Variants in RPTOR observed in about 807,000 individuals in gnomAD.
RPTOR encodes regulatory associated protein of MTOR complex 1.
Under a neutral mutation model 169.9 loss-of-function variants are expected in RPTOR, and 21 were observed. The ratio of observed to expected loss-of-function variants is 0.12; its 90% CI spans 0.09 to 0.18. The LOEUF is 0.18. Among genes scored for constraint, RPTOR ranks in the 10% least tolerant of loss-of-function variants. The pLI is 1.00. For missense variants in RPTOR, 1,133 were observed against 1,855.9 expected (o/e 0.61, Z 7.16); for synonymous variants, 732 against 753.2 (o/e 0.97, Z 0.46).
chr17:80,824,769 A>G (rs1481735059), intron 9 of RPTOR, among the ~76,000 whole-genome samples: 1 of 152,188 alleles, frequency 6.6e-6, no homozygotes, highest in Non-Finnish European at 1.5e-5. Context: ...CTTCTAGCGT[A>G]TGTTTTCTCC....
At chr17:80,839,497 C>T (rs892447192) in intron 10 of RPTOR, among the ~76,000 whole-genome samples, 6 of 152,226 alleles carry the variant, frequency 3.9e-5, no homozygotes, top group South Asian at 2.1e-4. Flanking sequence ...GCCAGCTCCC[C>T]GTCATGTGCT....
At chr17:80,681,549 G>C (rs530900868) in intron 3 of RPTOR, among the ~76,000 whole-genome samples, 1 of 151,970 alleles carries the variant, frequency 6.6e-6, no homozygotes, top group Admixed American at 6.6e-5. Context: ...TGTGTGTGTG[G>C]TTCAACATTT....
At chr17:80,691,655 G>C (rs575680891) in intron 3 of RPTOR, among the ~76,000 whole-genome samples, 3 of 152,274 alleles carry the variant, frequency 2.0e-5, no homozygotes, top group African/African-American at 7.2e-5. Context: ...AGCATGTTCT[G>C]TGCCATTTTG....
chr17:80,895,655 G>A (rs1033105144), intron 20 of RPTOR, among the ~76,000 whole-genome samples: 2 of 152,222 alleles, frequency 1.3e-5, no homozygotes, highest in East Asian at 1.9e-4. Context: ...AAGCTGCTGC[G>A]TGAACGGTGC....
Position 80,945,684 on chromosome 17 carries a change from G to T in RPTOR, c.3043G>T (p.Asp1015Tyr), listed in dbSNP as rs1187467897. ...TTTGACAGGCATTACGAGATTGGAC[G>T]ACCAAATATTTCTGAACAGGAACCC... Reference protein sequence around the residue: ...VIQKGITRLDDQIFLNRNPGV... With the variant: ...VIQKGITRLDYQIFLNRNPGV... The change falls in exon 26 of 34, where the codon GAC (aspartate) becomes TAC (tyrosine). Residue 1015 changes from aspartate (D) to tyrosine (Y), a missense_variant. Physicochemically the swap from Asp to Tyr is radical, Grantham distance 160. This residue lies in a region of RPTOR where 410 missense variants were observed against 623.7 expected (regional missense o/e 0.66). Coordinates refer to ENST00000306801, the MANE Select transcript of RPTOR (RefSeq NM_020761.3). 2 of 1,610,746 alleles carry T rather than the reference G, an allele frequency of 1.2e-6. No individual in the cohort carries two copies. The highest frequency in any genetic ancestry group is 2.2e-5 in the East Asian group (1 of 44,600).
At chr17:80,891,346 C>T (rs571640736) in intron 17 of RPTOR, among the ~76,000 whole-genome samples, 3 of 152,376 alleles carry the variant, frequency 2.0e-5, no homozygotes, top group South Asian at 2.1e-4. Context: ...TCTAGAGCGG[C>T]GTTTTCAGCC....
In RPTOR at chr17:80,609,892, G is replaced by A. The variant is rs911423935; in HGVS notation, c.163-15799G>A. Among the ~76,000 whole-genome samples the A allele has an allele frequency of 6.6e-6, 1 of 151,916 alleles. No individual in the cohort carries two copies. Among genetic ancestry groups the A allele is most frequent in the African/African-American group, 2.4e-5 (1 of 41,354 alleles). On this transcript the variant is annotated intron_variant, in intron 1 of 33. Transcript: ENST00000306801. The surrounding 1 kb of genome is among the most constrained non-coding windows in gnomAD (Gnocchi z 4.8). ...AATGGTAGCTTACAACTGACATTTA[G>A]CCAATTGAAAAGTGTAGGCCAGGGT...
In RPTOR at chr17:80,616,758, G is replaced by A. The variant is rs190996592; in HGVS notation, c.163-8933G>A. On this transcript the variant is annotated intron_variant, in intron 1 of 33. Coordinates refer to ENST00000306801, the MANE Select transcript of RPTOR (RefSeq NM_020761.3). ...ACTTTGTATCTTGAACTGGGAAGGA[G>A]TGGAGAAAAAAAAAATATTAGAGCC... Among the ~76,000 whole-genome samples, 4 of 136,930 alleles carry A rather than the reference G, an allele frequency of 2.9e-5. No homozygotes were observed. In the East Asian group the frequency reaches 6.4e-4, roughly 22 times the overall value. The allele number at this position is 136,930 out of a possible 152,430, so 89.8% of individuals were successfully genotyped here.
chr17:80,716,162 G>C (rs936058984), intron 4 of RPTOR, among the ~76,000 whole-genome samples: 1 of 152,188 alleles, frequency 6.6e-6, no homozygotes, highest in African/African-American at 2.4e-5. Context: ...CATAGTGGCT[G>C]TACCAGTTTA....
chr17:80,750,389 A>G (rs2066619141), intron 5 of RPTOR, among the ~76,000 whole-genome samples: 1 of 152,220 alleles, frequency 6.6e-6, no homozygotes, highest in South Asian at 2.1e-4. Flanking sequence ...CCAGACAGAC[A>G]TCGCAAATGG....
chr17:80,746,929 A>T lies in RPTOR; in HGVS notation c.655-7081A>T, dbSNP rs1018471569. Among the ~76,000 whole-genome samples the T allele has an allele frequency of 6.7e-5, 10 of 148,152 alleles. No individual in the cohort carries two copies. The highest frequency in any genetic ancestry group is 2.2e-4 in the African/African-American group (9 of 40,376). The stretch of plus-strand genomic sequence containing the variant: ...TGTCAGGATGTTTTTTAAAAATGCT[A>T]GGTTCTGGGTGGGTGCGGTGGGTCA... On this transcript the variant is annotated intron_variant, in intron 5 of 33. Coordinates refer to ENST00000306801, the MANE Select transcript of RPTOR (RefSeq NM_020761.3). This position sits in a 1 kb window ranked among gnomAD's most constrained non-coding sequence, Gnocchi z 4.5.
intron 13 of RPTOR, among the ~76,000 whole-genome samples, chr17:80,871,282 A>T (rs1451438619): frequency 6.6e-6 from 1 of 151,742 alleles, no homozygotes; most frequent in Admixed American, 6.6e-5. Context: ...ATTTTTTTGT[A>T]TTTTGTTTAG....
chr17:80,897,188 G>T (rs1363802853), intron 20 of RPTOR, among the ~76,000 whole-genome samples: 1 of 151,582 alleles, frequency 6.6e-6, no homozygotes, highest in Non-Finnish European at 1.5e-5. Context: ...GGCGGAGGTT[G>T]CAGTGAGCGG....
rs11150752 is a variant in RPTOR at position 80,878,608 on chromosome 17, A to C, written c.1510-1807A>C. Among the ~76,000 whole-genome samples, 33,959 of 151,972 alleles carry C rather than the reference A, an allele frequency of 0.22. 4,034 individuals are homozygous for C. Among genetic ancestry groups the C allele is most frequent in the East Asian group, 0.37 (1,908 of 5,154 alleles). ...TGACCCGCCTGTCTCAGCCTCCCAA[A>C]GTGCTGGGATTATAGGCATGAGCCA... is the stretch of plus-strand genomic sequence containing the variant. On this transcript the variant is annotated intron_variant, in intron 13 of 33. Transcript: ENST00000306801. This position sits in a 1 kb window ranked among gnomAD's most constrained non-coding sequence, Gnocchi z 4.1.
intron 6 of RPTOR, among the ~76,000 whole-genome samples, chr17:80,765,946 T>C (rs1305570582): frequency 1.3e-5 from 2 of 152,208 alleles, no homozygotes; most frequent in African/African-American, 4.8e-5. Flanking sequence ...AGTATTAGAA[T>C]TCCTGACCCC....
At chr17:80,576,361 A>G (rs575778806) in intron 1 of RPTOR, among the ~76,000 whole-genome samples, 2 of 152,350 alleles carry the variant, frequency 1.3e-5, no homozygotes, top group East Asian at 3.9e-4. Flanking sequence ...TAGAAATTAC[A>G]GTAGGAATAC....
intron 1 of RPTOR, 140 bp from the exon 2 acceptor site, chr17:80,625,551 G>A (rs1338729336): frequency 3.5e-5 from 23 of 648,426 alleles, no homozygotes; most frequent in Non-Finnish European, 6.0e-5. Flanking sequence ...GGGTAGCCAG[G>A]TGACAGGCGG....
chr17:80,889,893 CCG>C (rs2068297057), intron 17 of RPTOR, among the ~76,000 whole-genome samples: 1 of 124,168 alleles, frequency 8.1e-6, no homozygotes, highest in Non-Finnish European at 1.8e-5. Flanking sequence ...AGGGAGGCCC[CCG>C]TACGCAGCAG....
chr17:80,704,138 A>G (rs2066124428), intron 3 of RPTOR, among the ~76,000 whole-genome samples: 1 of 152,166 alleles, frequency 6.6e-6, no homozygotes, highest in South Asian at 2.1e-4. Context: ...CTTTCTACCT[A>G]TCCACCTGAA....
Sources: allele counts gnomAD v4.1 joint callset (sites outside exome capture counted in the v4.1 genomes callset), GRCh38; gene constraint gnomAD v4.1.1; regional missense constraint gnomAD v4.1.1; non-coding constraint Gnocchi (gnomAD v3.1); transcripts MANE v1.5; gene names NCBI Gene and HGNC (gene_info 2026-07-23, HGNC 2026-07-21).